Variants in IKZF1 observed in about 807,000 individuals in gnomAD.
IKZF1 encodes the protein DNA-binding protein Ikaros.
Under a neutral mutation model 51.7 loss-of-function variants are expected in IKZF1, and 10 were observed. The ratio of observed to expected loss-of-function variants is 0.19; its 90% CI spans 0.12 to 0.33. IKZF1 has a LOEUF of 0.33. Among genes scored for constraint, IKZF1 ranks in the 10% least tolerant of loss-of-function variants. The pLI is 1.00. For synonymous variants in IKZF1, 280 were observed against 282.3 expected (o/e 0.99, Z 0.08); for missense variants, 484 against 707.5 (o/e 0.68, Z 3.58).
chr7:50,338,556 C>G lies in IKZF1; in HGVS notation c.160+10799C>G, dbSNP rs980170145. ...GCTGTGGTTGCCAGTTGCCACCTGTCCCCCTATCTGGTTAGGGCATTTTCT... is the reference window on the plus strand; with the variant it reads ...GCTGTGGTTGCCAGTTGCCACCTGTGCCCCTATCTGGTTAGGGCATTTTCT... On this transcript the variant is annotated intron_variant, in intron 3 of 7. Transcript: ENST00000331340. Among the ~76,000 whole-genome samples the G allele has an allele frequency of 3.4e-4, 52 of 152,298 alleles. 2 individuals carry two copies. Among genetic ancestry groups the G allele is most frequent in the East Asian group, 2.9e-3 (15 of 5,186 alleles).
At chr7:50,320,278 C>T (rs537863204) in intron 2 of IKZF1, among the ~76,000 whole-genome samples, 1 of 152,050 alleles carries the variant, frequency 6.6e-6, no homozygotes, top group South Asian at 2.1e-4. Flanking sequence ...AATATTTTCA[C>T]TTAATTTTTA....
intron 1 of IKZF1, among the ~76,000 whole-genome samples, chr7:50,313,689 CCTTGGTTCTCT>C (rs1402485759): frequency 1.3e-5 from 2 of 152,128 alleles, no homozygotes; most frequent in Non-Finnish European, 2.9e-5. Flanking sequence ...TTTCTCTTAG[CCTTGGTTCTCT>C]CATCTATAAA....
chr7:50,365,773 C>T (rs111455851), intron 3 of IKZF1, among the ~76,000 whole-genome samples: 49 of 152,304 alleles, frequency 3.2e-4, no homozygotes, highest in Middle Eastern at 3.4e-3. Flanking sequence ...CCCATTACTG[C>T]ATATATACCC....
At chr7:50,319,990 A>G (rs547962388) in intron 2 of IKZF1, among the ~76,000 whole-genome samples, 2 of 152,252 alleles carry the variant, frequency 1.3e-5, no homozygotes, top group African/African-American at 4.8e-5. Flanking sequence ...AAGGTGCAGG[A>G]GAGGATCTTC....
intron 7 of IKZF1, among the ~76,000 whole-genome samples, chr7:50,393,294 G>T (rs1815718593): frequency 6.6e-6 from 1 of 152,132 alleles, no homozygotes; most frequent in African/African-American, 2.4e-5. Context: ...ATGGGGTTCT[G>T]TTTTTGACGT....
chr7:50,354,198 A>G (rs1054438581), intron 3 of IKZF1, among the ~76,000 whole-genome samples: 1 of 152,230 alleles, frequency 6.6e-6, no homozygotes, highest in Non-Finnish European at 1.5e-5. Flanking sequence ...AGCCCAACAC[A>G]GGTGCTGTGA....
Position 50,402,993 on chromosome 7 carries a change from CCT to C in IKZF1, c.*2367_*2368del, listed in dbSNP as rs1488112679. The stretch of plus-strand genomic sequence containing the variant: ...TACTCTGTTCTTTTCCATCCATCCC[CCT>C]GAGTCAGTTGGTTGAAGGGAGTTAT... On this transcript the variant is annotated 3_prime_UTR_variant, in exon 8 of 8. Transcript: ENST00000331340. The C allele has an allele frequency of 1.3e-5, 3 of 226,626 alleles. No homozygotes were observed. The highest frequency in any genetic ancestry group is 6.3e-5 in the East Asian group (1 of 15,850). The allele number at this position is 226,626 out of a possible 1,614,324, so 14.0% of individuals were successfully genotyped here.
intron 4 of IKZF1, among the ~76,000 whole-genome samples, chr7:50,381,770 G>C (rs918677434): frequency 1.3e-5 from 2 of 152,232 alleles, no homozygotes; most frequent in African/African-American, 4.8e-5. Flanking sequence ...GAAAGAAAAA[G>C]CTAGAAATCT....
chr7:50,393,914 G>A (rs1285142646), intron 7 of IKZF1: 1 of 232,836 alleles, frequency 4.3e-6, no homozygotes, highest in Non-Finnish European at 8.5e-6. Flanking sequence ...CAGGTGAGGA[G>A]CCTGGAGAAT....
At chr7:50,331,219 A>T (rs2153394711) in intron 3 of IKZF1, among the ~76,000 whole-genome samples, 1 of 152,346 alleles carries the variant, frequency 6.6e-6, no homozygotes, top group South Asian at 2.1e-4. Context: ...GGGAGAGAAC[A>T]GATGACCAGC....
At chr7:50,355,634 T>TAAATAAATAAAG (rs1435446909) in intron 3 of IKZF1, among the ~76,000 whole-genome samples, 1 of 149,552 alleles carries the variant, frequency 6.7e-6, no homozygotes, top group African/African-American at 2.5e-5. Flanking sequence ...AATAAATAAA[T>TAAATAAATAAAG]AAATAAATAA....
In IKZF1 at chr7:50,401,522, C is replaced by A. The variant is rs1469284686; in HGVS notation, c.*895C>A. 4.5e-6 allele frequency: 1 copy of A among 223,964 alleles called. No individual in the cohort carries two copies. Among genetic ancestry groups the A allele is most frequent in the African/African-American group, 2.2e-5 (1 of 44,826 alleles). The allele number at this position is 223,964 out of a possible 1,614,324, so 13.9% of individuals were successfully genotyped here. ...CAGTCCCGAAATTTGGATCTTCTTT[C>A]TTTTTGAATCTCTCAAACGGCAACA... On this transcript the variant is annotated 3_prime_UTR_variant, in exon 8 of 8. Transcript: ENST00000331340.
rs544491629 is a variant in IKZF1 at position 50,308,316 on chromosome 7, A to G, written c.-15+3394A>G. On this transcript the variant is annotated intron_variant, in intron 1 of 7. Coordinates refer to ENST00000331340, the MANE Select transcript of IKZF1 (RefSeq NM_006060.6). Reference sequence around the variant, plus strand: ...GGCCTAATCTACAGGCAACTGCCAAATTGTTTCAGTTGACGTTTTTCCCTC... The same window carrying G: ...GGCCTAATCTACAGGCAACTGCCAAGTTGTTTCAGTTGACGTTTTTCCCTC... Among the ~76,000 whole-genome samples the G allele has an allele frequency of 2.9e-4, 44 of 152,312 alleles. No individual in the cohort carries two copies. In the South Asian group the frequency reaches 8.9e-3, roughly 31 times the overall value.
At chr7:50,363,461 G>A (rs568360006) in intron 3 of IKZF1, among the ~76,000 whole-genome samples, 58 of 152,212 alleles carry the variant, frequency 3.8e-4, no homozygotes, top group African/African-American at 1.3e-3. Flanking sequence ...CAGGACAGGC[G>A]GTGAAACGAG....
At chr7:50,312,510 A>C (rs184901643) in intron 1 of IKZF1, among the ~76,000 whole-genome samples, 24 of 152,286 alleles carry the variant, frequency 1.6e-4, no homozygotes, top group African/African-American at 5.8e-4. Context: ...CACTTTCTCT[A>C]TTTTTAAAAC....
At chr7:50,336,697 T>C (rs955505834) in intron 3 of IKZF1, among the ~76,000 whole-genome samples, 1 of 152,170 alleles carries the variant, frequency 6.6e-6, no homozygotes, top group Non-Finnish European at 1.5e-5. Flanking sequence ...TTGGCTGCAT[T>C]GTCCACTTCG....
chr7:50,373,522 T>C (rs1809341504), intron 3 of IKZF1, among the ~76,000 whole-genome samples: 1 of 152,206 alleles, frequency 6.6e-6, no homozygotes. Flanking sequence ...GTGTCCTTTT[T>C]CTAGCCTCGG....
At chr7:50,398,657 G>A (rs1254811645) in intron 7 of IKZF1, among the ~76,000 whole-genome samples, 3 of 152,126 alleles carry the variant, frequency 2.0e-5, no homozygotes, top group Non-Finnish European at 2.9e-5. Context: ...CTAAGGATGG[G>A]GACCATTCTC....
At chr7:50,383,871 G>A (rs898454240) in intron 5 of IKZF1, among the ~76,000 whole-genome samples, 2 of 152,252 alleles carry the variant, frequency 1.3e-5, no homozygotes, top group Non-Finnish European at 2.9e-5. Context: ...TCCCAAATGT[G>A]ATGCGTGTAT....
Sources: gnomAD v4.1 joint callset for allele counts (sites outside exome capture counted in the v4.1 genomes callset) on GRCh38, gnomAD v4.1.1 for gene constraint, MANE v1.5 for transcripts, NCBI Gene and HGNC (gene_info 2026-07-23, HGNC 2026-07-21) for gene names.